Variants in NLGN1 observed in about 807,000 individuals in gnomAD.
NLGN1 encodes neuroligin 1, also known as neuroligin-1.
In NLGN1, 12 loss-of-function variants were observed where a neutral mutation model predicts 65.5. That is an observed-to-expected ratio of 0.18 (90% confidence interval 0.12 to 0.30). The LOEUF (loss-of-function observed/expected upper bound fraction) is 0.30. Ranked by LOEUF, NLGN1 falls within the 10% of genes least tolerant of loss-of-function variation. NLGN1 has a pLI of 1.00. For missense variants in NLGN1, 750 were observed against 1,007.1 expected (o/e 0.74, Z 3.46); for synonymous variants, 350 against 359.5 (o/e 0.97, Z 0.30).
At position 173,887,594 on chromosome 3, in the gene NLGN1, A is replaced by G. The variant is rs575088020; in HGVS notation, c.646+79762A>G. Among the ~76,000 whole-genome samples, 234 of 152,110 alleles carry G rather than the reference A, an allele frequency of 1.5e-3. 2 individuals carry two copies. The highest frequency in any genetic ancestry group is 5.4e-3 in the African/African-American group (223 of 41,562). On this transcript the variant is annotated intron_variant, in intron 4 of 6. Coordinates refer to ENST00000457714, the Ensembl canonical transcript of NLGN1. ...CACAGCTAATTAGAGGCAGAGTTCTAACAGAAAACCCAAGTCTCTTGATTC... is the reference window on the plus strand; with the variant it reads ...CACAGCTAATTAGAGGCAGAGTTCTGACAGAAAACCCAAGTCTCTTGATTC...
chr3:173,907,659 A>C (rs1336580263), intron 4 of NLGN1, among the ~76,000 whole-genome samples: 2 of 143,434 alleles, frequency 1.4e-5, no homozygotes, highest in Non-Finnish European at 3.0e-5. Flanking sequence ...ATCTCAGCTC[A>C]CTGAAACCTC....
chr3:174,060,346 A>C (rs1053827437), intron 4 of NLGN1, among the ~76,000 whole-genome samples: 1 of 152,086 alleles, frequency 6.6e-6, no homozygotes, highest in Non-Finnish European at 1.5e-5. Context: ...TGTGAAGAAT[A>C]GGGAAAGAGG....
intron 2 of NLGN1, among the ~76,000 whole-genome samples, chr3:173,542,370 CTTTT>C (rs925913621): frequency 1.3e-5 from 2 of 151,934 alleles, no homozygotes; most frequent in African/African-American, 4.8e-5. Context: ...TGGAAGTTAA[CTTTT>C]TTATTTGCCT....
intron 3 of NLGN1, among the ~76,000 whole-genome samples, chr3:173,663,395 G>A (rs926686287): frequency 1.1e-4 from 16 of 151,972 alleles, no homozygotes; most frequent in Non-Finnish European, 1.5e-5. Context: ...AGGTTTTACA[G>A]CAGAAAAGGA....
intron 1 of NLGN1, among the ~76,000 whole-genome samples, chr3:173,403,240 C>T: frequency 6.6e-6 from 1 of 151,974 alleles, no homozygotes; most frequent in East Asian, 1.9e-4. Flanking sequence ...ATTACAAATA[C>T]TAAATTATAC....
chr3:173,757,701 A>G (rs945303325), intron 3 of NLGN1, among the ~76,000 whole-genome samples: 2 of 152,072 alleles, frequency 1.3e-5, no homozygotes, highest in African/African-American at 4.8e-5. Flanking sequence ...GGAGAAAATC[A>G]GAGAAATTTT....
chr3:173,685,971 G>C (rs992529770), intron 3 of NLGN1, among the ~76,000 whole-genome samples: 3 of 152,148 alleles, frequency 2.0e-5, no homozygotes, highest in African/African-American at 7.2e-5. Flanking sequence ...AAGGGTAAAG[G>C]GAAGAGGGAG....
intron 3 of NLGN1, among the ~76,000 whole-genome samples, chr3:173,707,086 G>C (rs548488232): frequency 2.0e-5 from 3 of 152,254 alleles, no homozygotes; most frequent in African/African-American, 7.2e-5. Flanking sequence ...TGACTTAGGC[G>C]TATGTCAGCT....
At chr3:174,217,869 G>T (rs560668515) in intron 4 of NLGN1, among the ~76,000 whole-genome samples, 1 of 152,112 alleles carries the variant, frequency 6.6e-6, no homozygotes, top group South Asian at 2.1e-4. Flanking sequence ...TTGGAGGGAA[G>T]CACCAAAAGA....
intron 2 of NLGN1, among the ~76,000 whole-genome samples, chr3:173,460,786 T>A (rs1184585257): frequency 6.6e-6 from 1 of 152,074 alleles, no homozygotes; most frequent in Non-Finnish European, 1.5e-5. Flanking sequence ...TACATGGAAA[T>A]AAAAGAGAGG....
At chr3:173,618,434 C>G (rs370890972) in intron 3 of NLGN1, among the ~76,000 whole-genome samples, 1 of 152,072 alleles carries the variant, frequency 6.6e-6, no homozygotes, top group Non-Finnish European at 1.5e-5. Context: ...TGACTGCAAG[C>G]GATCCTCCTT....
chr3:174,036,678 T>C (rs1375335502), intron 4 of NLGN1, among the ~76,000 whole-genome samples: 3 of 151,484 alleles, frequency 2.0e-5, no homozygotes, highest in Non-Finnish European at 4.4e-5. Flanking sequence ...TGGGAGTTCA[T>C]TGTACAGGTT....
chr3:173,458,514 C>T (rs146226858), intron 2 of NLGN1, among the ~76,000 whole-genome samples: 2 of 152,046 alleles, frequency 1.3e-5, no homozygotes, highest in East Asian at 3.9e-4. Context: ...TCTTAAAAAC[C>T]AAACCAAACC....
intron 4 of NLGN1, among the ~76,000 whole-genome samples, chr3:174,195,063 G>A (rs919139951): frequency 6.6e-6 from 1 of 152,030 alleles, no homozygotes; most frequent in African/African-American, 2.4e-5. Context: ...GTTTCTCCAT[G>A]TTGGTCAGGC....
chr3:173,928,898 T>A (rs969327572), intron 4 of NLGN1, among the ~76,000 whole-genome samples: 2 of 152,012 alleles, frequency 1.3e-5, no homozygotes, highest in Non-Finnish European at 2.9e-5. Context: ...GTTGAACTGC[T>A]GACCTCAAGT....
chr3:174,016,367 C>A (rs1280565949), intron 4 of NLGN1, among the ~76,000 whole-genome samples: 3 of 152,186 alleles, frequency 2.0e-5, no homozygotes, highest in Non-Finnish European at 4.4e-5. Context: ...CTCAGACTGT[C>A]TTATGACTAG....
intron 3 of NLGN1, among the ~76,000 whole-genome samples, chr3:173,798,649 T>G (rs528035319): frequency 8.5e-5 from 13 of 152,106 alleles, no homozygotes; most frequent in Non-Finnish European, 1.8e-4. Flanking sequence ...CTATGTTTTC[T>G]GTTAATGGAA....
chr3:174,128,885 T>A (rs1317609252), intron 4 of NLGN1, among the ~76,000 whole-genome samples: 1 of 152,040 alleles, frequency 6.6e-6, no homozygotes, highest in African/African-American at 2.4e-5. Flanking sequence ...GCCTGCCAAA[T>A]ACAGCAGGCC....
intron 4 of NLGN1, among the ~76,000 whole-genome samples, chr3:174,159,346 C>A (rs7612490): frequency 0.27 from 40,317 of 151,528 alleles, 6,524 homozygotes; most frequent in African/African-American, 0.45. Context: ...AGCCAAATCC[C>A]AGGAAATATC....
Sources: gnomAD v4.1 joint callset for allele counts (sites outside exome capture counted in the v4.1 genomes callset) on GRCh38, gnomAD v4.1.1 for gene constraint, MANE v1.5 for transcripts, NCBI Gene and HGNC (gene_info 2026-07-23, HGNC 2026-07-21) for gene names.